Variants in SCFD2 observed in about 807,000 individuals in gnomAD.
The protein encoded by SCFD2 is sec1 family domain-containing protein 2.
SCFD2 carries 54 observed loss-of-function variants against 58.9 expected under a neutral mutation model. The observed-to-expected ratio is 0.92, with a 90% confidence interval of 0.74 to 1.15. The LOEUF (loss-of-function observed/expected upper bound fraction) is 1.15, where lower values mean the gene tolerates loss of function less well. Among genes scored for constraint, SCFD2 ranks in the 50% most tolerant of loss-of-function variants. The probability of loss-of-function intolerance (pLI) is 0.00; values close to 1 mark genes in which losing one functional copy is unlikely to be tolerated. For missense variants in SCFD2, 805 were observed against 836.6 expected, an observed-to-expected ratio of 0.96 and a Z score of 0.47; for synonymous variants, 321 against 335.9, an observed-to-expected ratio of 0.96 and a Z score of 0.49.
chr4:53,290,526 C>T (rs147079996), intron 3 of SCFD2, among the ~76,000 whole-genome samples: 221 of 151,792 alleles, frequency 1.5e-3, no homozygotes, highest in South Asian at 6.0e-3. Context: ...AAAGAAGATC[C>T]GAAATAAATA....
chr4:52,940,006 C>A (rs537894787), intron 5 of SCFD2, among the ~76,000 whole-genome samples: 1 of 152,366 alleles, frequency 6.6e-6, no homozygotes, highest in African/African-American at 2.4e-5. Flanking sequence ...CAAACCCAAG[C>A]AGGGAGCCTA....
At chr4:52,909,006 A>G (rs1007441471) in intron 6 of SCFD2, among the ~76,000 whole-genome samples, 1 of 152,228 alleles carries the variant, frequency 6.6e-6, no homozygotes, top group African/African-American at 2.4e-5. Flanking sequence ...AGCTATGCCA[A>G]GATGGAATTT....
At chr4:53,320,542 G>A (rs958524818) in intron 2 of SCFD2, among the ~76,000 whole-genome samples, 25 of 152,160 alleles carry the variant, frequency 1.6e-4, no homozygotes, top group African/African-American at 5.1e-4. Flanking sequence ...ACTTAAACCT[G>A]GGAGGTGGAA....
intron 4 of SCFD2, among the ~76,000 whole-genome samples, chr4:53,225,892 C>T (rs1281914978): frequency 1.3e-5 from 2 of 152,126 alleles, no homozygotes; most frequent in African/African-American, 4.8e-5. Context: ...TTAGGTTTTT[C>T]CCTATTCCAA....
At chr4:53,099,123 A>C (rs1408250913) in intron 5 of SCFD2, among the ~76,000 whole-genome samples, 1 of 152,226 alleles carries the variant, frequency 6.6e-6, no homozygotes, top group Non-Finnish European at 1.5e-5. Context: ...GAATGAATAC[A>C]AGCACTGGTA....
chr4:53,117,125 A>T lies in SCFD2; in HGVS notation c.1561+28208T>A, dbSNP rs531424244. The stretch of plus-strand genomic sequence containing the variant: ...CTGTGTACTGGAACTGAAACCATGG[A>T]AACTTGAGGGAATTCCAGACCACGC... On this transcript the variant is annotated intron_variant, in intron 5 of 8. Transcript: ENST00000401642. 5.9e-5 allele frequency among the ~76,000 whole-genome samples: 9 copies of T among 152,272 alleles called. No individual in the cohort carries two copies. The East Asian group carries it at 1.7e-3, about 29-fold the overall frequency.
intron 4 of SCFD2, among the ~76,000 whole-genome samples, chr4:53,161,725 G>A (rs1275777237): frequency 6.6e-6 from 1 of 152,196 alleles, no homozygotes; most frequent in East Asian, 1.9e-4. Flanking sequence ...GAGCAGAACA[G>A]AACACCACAG....
At chr4:53,185,145 GA>G (rs1428133708) in intron 4 of SCFD2, among the ~76,000 whole-genome samples, 4 of 152,062 alleles carry the variant, frequency 2.6e-5, no homozygotes, top group Admixed American at 2.6e-4. Flanking sequence ...GAGAAATATA[GA>G]GAGTAACAAA....
chr4:53,330,113 G>A (rs1033527513), intron 2 of SCFD2, among the ~76,000 whole-genome samples: 97 of 152,250 alleles, frequency 6.4e-4, no homozygotes, highest in Non-Finnish European at 8.7e-4. Context: ...CCAAATCTAC[G>A]TCTGATTGCT....
intron 5 of SCFD2, among the ~76,000 whole-genome samples, chr4:52,954,725 T>A (rs910351750): frequency 6.6e-6 from 1 of 152,102 alleles, no homozygotes; most frequent in Admixed American, 6.5e-5. Context: ...AAGAAATGCA[T>A]AAATTAAGTC....
At chr4:53,345,796 A>G (rs1734038736) in intron 2 of SCFD2, among the ~76,000 whole-genome samples, 1 of 152,188 alleles carries the variant, frequency 6.6e-6, no homozygotes, top group Admixed American at 6.5e-5. Context: ...TGTCCTTTTC[A>G]GGGACATGGA....
intron 4 of SCFD2, among the ~76,000 whole-genome samples, chr4:53,183,720 T>C (rs1403734193): frequency 6.6e-6 from 1 of 151,970 alleles, no homozygotes; most frequent in Non-Finnish European, 1.5e-5. Context: ...AGAACATGCC[T>C]AAACTTTGGA....
intron 4 of SCFD2, among the ~76,000 whole-genome samples, chr4:53,217,354 G>A (rs926492980): frequency 5.9e-5 from 9 of 152,180 alleles, no homozygotes; most frequent in African/African-American, 2.2e-4. Context: ...CATATGTTTA[G>A]GATAGTTAGC....
intron 4 of SCFD2, among the ~76,000 whole-genome samples, chr4:53,215,205 T>C (rs1196724358): frequency 6.6e-5 from 10 of 152,138 alleles, no homozygotes; most frequent in Admixed American, 3.9e-4. Context: ...CATTGGTAGC[T>C]TGATGGGGAT....
intron 4 of SCFD2, among the ~76,000 whole-genome samples, chr4:53,157,272 C>T (rs1288676613): frequency 6.6e-6 from 1 of 151,598 alleles, no homozygotes; most frequent in Non-Finnish European, 1.5e-5. Context: ...AAAGATCCAT[C>T]CAAAATACAA....
chr4:53,199,756 C>T (rs1203813157), intron 4 of SCFD2, among the ~76,000 whole-genome samples: 2 of 152,078 alleles, frequency 1.3e-5, no homozygotes, highest in Admixed American at 6.6e-5. Context: ...TACCTGTCCC[C>T]GTACAAAATA....
At chr4:52,933,355 T>G (rs1024525232) in intron 5 of SCFD2, among the ~76,000 whole-genome samples, 1 of 152,160 alleles carries the variant, frequency 6.6e-6, no homozygotes, top group African/African-American at 2.4e-5. Flanking sequence ...CCTTCAGCCT[T>G]TGGCAGAGAT....
At chr4:53,023,638 A>C (rs747231430) in intron 5 of SCFD2, among the ~76,000 whole-genome samples, 5 of 152,196 alleles carry the variant, frequency 3.3e-5, no homozygotes, top group Admixed American at 6.5e-5. Context: ...CATGAATTAA[A>C]GTCCATGATT....
chr4:53,270,042 A>G (rs1731113189), intron 4 of SCFD2, among the ~76,000 whole-genome samples: 1 of 152,064 alleles, frequency 6.6e-6, no homozygotes, highest in African/African-American at 2.4e-5. Context: ...GAAAGAAAAA[A>G]TCCTAATTTC....
Sources: allele counts gnomAD v4.1 joint callset (sites outside exome capture counted in the v4.1 genomes callset), GRCh38; gene constraint gnomAD v4.1.1; transcripts MANE v1.5; gene names NCBI Gene and HGNC (gene_info 2026-07-23, HGNC 2026-07-21).